DLG5: variants seen among roughly 807,000 people sequenced by gnomAD.
DLG5 encodes the protein discs large MAGUK scaffold protein 5.
DLG5 carries 48 observed loss-of-function variants against 189.8 expected under a neutral mutation model. That is an observed-to-expected ratio of 0.25 (90% CI 0.20 to 0.32). The LOEUF (loss-of-function observed/expected upper bound fraction) is 0.32. Among genes scored for constraint, DLG5 ranks in the 10% least tolerant of loss-of-function variants. DLG5 has a pLI of 1.00. For synonymous variants in DLG5, 1,016 were observed against 1,054.1 expected, an observed-to-expected ratio of 0.96 and a Z score of 0.70; for missense variants, 2,160 against 2,544.7, an observed-to-expected ratio of 0.85 and a Z score of 3.25.
chr10:77,868,613 T>A (rs1457579077), intron 2 of DLG5: 1 of 222,180 alleles, frequency 4.5e-6, no homozygotes, highest in Non-Finnish European at 9.0e-6. Context: ...CCACTAGAGG[T>A]GCTAAACAGA....
At chr10:77,923,103 G>A (rs1022318390) in intron 1 of DLG5, among the ~76,000 whole-genome samples, 5 of 152,232 alleles carry the variant, frequency 3.3e-5, no homozygotes, top group African/African-American at 4.8e-5. Flanking sequence ...GAAGCTCCTA[G>A]GTGGGTGATG....
At chr10:77,889,842 A>G (rs1475020940) in intron 1 of DLG5, among the ~76,000 whole-genome samples, 1 of 152,168 alleles carries the variant, frequency 6.6e-6, no homozygotes, top group Non-Finnish European at 1.5e-5. Flanking sequence ...CATCCTAGGA[A>G]GTATTTGGAA....
upstream of DLG5, chr10:77,928,762 C>T (rs1039528152): frequency 1.3e-5 from 2 of 152,364 alleles, no homozygotes; most frequent in Admixed American, 6.5e-5. Context: ...CAAAGTGGCT[C>T]ACGCCTGTAA....
intron 1 of DLG5, among the ~76,000 whole-genome samples, chr10:77,884,968 A>G (rs1159940896): frequency 1.3e-5 from 2 of 152,142 alleles, no homozygotes; most frequent in Admixed American, 6.6e-5. Context: ...GCACACACTT[A>G]CCTGCAGACA....
intron 9 of DLG5, 94 bp downstream of exon 9, chr10:77,833,820 G>A: frequency 6.5e-7 from 1 of 1,530,422 alleles, no homozygotes; most frequent in Admixed American, 1.8e-5. Flanking sequence ...ATGAGGCCCT[G>A]GCCAATGCAC....
intron 27 of DLG5, among the ~76,000 whole-genome samples, chr10:77,797,193 C>A (rs990805381): frequency 1.3e-5 from 2 of 152,228 alleles, no homozygotes; most frequent in South Asian, 2.1e-4. Context: ...GAGAAATAAA[C>A]TGCCCATTAT....
intron 1 of DLG5, among the ~76,000 whole-genome samples, chr10:77,906,507 T>C (rs555353094): frequency 3.3e-5 from 5 of 152,236 alleles, no homozygotes; most frequent in Admixed American, 2.6e-4. Context: ...GGAACACAAA[T>C]GTCATGCACT....
At position 77,811,921 on chromosome 10, in the gene DLG5, C is replaced by G; in HGVS notation, c.4322+3G>C. On this transcript the variant is annotated splice_donor_region_variant and intron_variant, in intron 22 of 31. Coordinates refer to ENST00000372391, the MANE Select transcript of DLG5 (RefSeq NM_004747.4). ...CAGACGGCCCTGGGAGGCCCGCACT[C>G]ACCTGGACCGGGAGTGGCTGCTGAG... 6.2e-7 allele frequency: 1 copy of G among 1,604,396 alleles called. No individual in the cohort carries two copies. The highest frequency in any genetic ancestry group is 8.5e-7 in the Non-Finnish European group (1 of 1,179,704).
chr10:77,834,037 G>A lies in DLG5; in HGVS notation c.1625C>T (p.Thr542Ile). 11 of 1,609,200 alleles carry A rather than the reference G, an allele frequency of 6.8e-6. No individual in the cohort carries two copies. The highest frequency in any genetic ancestry group is 9.3e-6 in the Non-Finnish European group (11 of 1,179,588). Reference protein sequence around the residue: ...KIVAERDSIRTLCDNLRRERD... With the variant: ...KIVAERDSIRILCDNLRRERD... ...CTCCCGCCTCAGGTTGTCACACAGT[G>A]TCCTGGTGGAAGGAGCAGAGGACAA... The change falls in exon 9 of 32, where the codon ACA becomes ATA. Residue 542 changes from threonine to isoleucine, a missense_variant and splice_region_variant. Thr to Ile is a moderately conservative substitution (Grantham distance 89, BLOSUM62 -1). Coordinates refer to ENST00000372391, the MANE Select transcript of DLG5 (RefSeq NM_004747.4).
chr10:77,832,240 G>C (rs946564794), intron 9 of DLG5, among the ~76,000 whole-genome samples: 2 of 152,220 alleles, frequency 1.3e-5, no homozygotes, highest in African/African-American at 4.8e-5. Context: ...ATAAATATTA[G>C]CTCAGAGAAA....
At chr10:77,905,510 C>T (rs543472304) in intron 1 of DLG5, among the ~76,000 whole-genome samples, 1 of 152,294 alleles carries the variant, frequency 6.6e-6, no homozygotes, top group South Asian at 2.1e-4. Flanking sequence ...CATCCTTGTC[C>T]CTACGTTAAA....
chr10:77,899,207 C>T (rs916290073), intron 1 of DLG5, among the ~76,000 whole-genome samples: 11 of 152,218 alleles, frequency 7.2e-5, no homozygotes, highest in Admixed American at 2.0e-4. Context: ...GCCATCCAGG[C>T]CCTCCCAGAC....
chr10:77,817,689 G>A, intron 18 of DLG5, 88 bp downstream of exon 18: 1 of 1,181,760 alleles, frequency 8.5e-7, no homozygotes, highest in Non-Finnish European at 1.2e-6. Flanking sequence ...CGTGTGGGGA[G>A]CCCACCCGCA....
At chr10:77,830,185 CT>C (rs1327370929) in intron 11 of DLG5, 31 bp downstream of exon 11, 6 of 1,613,096 alleles carry the variant, frequency 3.7e-6, no homozygotes, top group Non-Finnish European at 5.1e-6. Context: ...AGGGCCCCAC[CT>C]TGCCTCCAGA....
At chr10:77,937,242 G>C in the DLG5 span, among the ~76,000 whole-genome samples, 1 of 151,866 alleles carries the variant, frequency 6.6e-6, no homozygotes. Context: ...TCTCCCCCAG[G>C]GCCCACTTCT....
intron 1 of DLG5, among the ~76,000 whole-genome samples, chr10:77,924,949 A>G (rs953077701): frequency 1.3e-5 from 2 of 152,208 alleles, no homozygotes; most frequent in South Asian, 2.1e-4. Context: ...TGGGGCTTTT[A>G]ACAGCCAAAT....
Position 77,858,587 on chromosome 10 carries a change from G to A in DLG5, c.374-1695C>T, listed in dbSNP as rs570740834. Among the ~76,000 whole-genome samples, 30 of 150,774 alleles carry A rather than the reference G, an allele frequency of 2.0e-4. 1 individual carries two copies. The South Asian group carries it at 5.9e-3, about 30-fold the overall frequency. On this transcript the variant is annotated intron_variant, in intron 2 of 31. Transcript: ENST00000372391. ...CAGGACGTCAAGGCTGCAGTGAGCC[G>A]AGATCACACCACTGTATTCCAGCCT...
chr10:77,869,304 A>C (rs2154577063), intron 1 of DLG5, 107 bp from the exon 2 acceptor site: 1 of 1,043,100 alleles, frequency 9.6e-7, no homozygotes, highest in East Asian at 2.5e-5. Flanking sequence ...TACATGCACC[A>C]GGCACTAGAA....
At chr10:77,805,577 C>G in intron 27 of DLG5, 88 bp downstream of exon 27, 1 of 1,435,296 alleles carries the variant, frequency 7.0e-7, no homozygotes, top group Non-Finnish European at 9.4e-7. Flanking sequence ...GTAAGACTCT[C>G]TTTTGTTTAA....
Sources: allele counts gnomAD v4.1 joint callset (sites outside exome capture counted in the v4.1 genomes callset), GRCh38; gene constraint gnomAD v4.1.1; transcripts MANE v1.5; gene names NCBI Gene and HGNC (gene_info 2026-07-23, HGNC 2026-07-21).